KSR2: variants seen among roughly 807,000 people sequenced by gnomAD.
The protein encoded by KSR2 is kinase suppressor of ras 2.
KSR2 carries 25 observed loss-of-function variants against 107.8 expected under a neutral mutation model. The observed-to-expected ratio is 0.23, with a 90% confidence interval of 0.17 to 0.32. The LOEUF (loss-of-function observed/expected upper bound fraction) is 0.32, where lower values mean the gene tolerates loss of function less well. Ranked by LOEUF, KSR2 falls within the 10% of genes least tolerant of loss-of-function variation. The probability of loss-of-function intolerance (pLI) is 1.00; values close to 1 mark genes in which losing one functional copy is unlikely to be tolerated. For synonymous variants in KSR2, 480 were observed against 507.0 expected (o/e 0.95, Z 0.71); for missense variants, 887 against 1,268.9 (o/e 0.70, Z 4.57).
intron 7 of KSR2, among the ~76,000 whole-genome samples, chr12:117,567,075 T>C (rs888229607): frequency 1.3e-5 from 2 of 152,124 alleles, no homozygotes; most frequent in African/African-American, 4.8e-5. Context: ...CGTCCAGAAA[T>C]GAGATGGCCC....
intron 4 of KSR2, among the ~76,000 whole-genome samples, chr12:117,755,791 T>C (rs12823440): frequency 0.2 from 30,780 of 152,220 alleles, 3,473 homozygotes; most frequent in East Asian, 0.35. Flanking sequence ...TTATGCCAAA[T>C]GGTCAAGTTG....
intron 9 of KSR2, 58 bp downstream of exon 9, chr12:117,555,110 AC>A: frequency 6.2e-7 from 1 of 1,608,960 alleles, no homozygotes; most frequent in Non-Finnish European, 8.5e-7. Flanking sequence ...CCTCCCTCCT[AC>A]CCCTCACCCA....
intron 7 of KSR2, among the ~76,000 whole-genome samples, chr12:117,568,559 C>T (rs555955795): frequency 2.6e-5 from 4 of 152,218 alleles, no homozygotes; most frequent in African/African-American, 7.2e-5. Flanking sequence ...CACTTCGAGC[C>T]GGCTGTTTAC....
At chr12:117,917,963 C>T (rs1333458112) in intron 1 of KSR2, among the ~76,000 whole-genome samples, 1 of 152,232 alleles carries the variant, frequency 6.6e-6, no homozygotes, top group Non-Finnish European at 1.5e-5. Context: ...GCTGAGCCCA[C>T]ATTTCTGGAA....
At chr12:117,487,629 C>G (rs2137147663) in intron 14 of KSR2, among the ~76,000 whole-genome samples, 1 of 152,308 alleles carries the variant, frequency 6.6e-6, no homozygotes, top group South Asian at 2.1e-4. Context: ...GCCACCTACA[C>G]TCATCACAGG....
intron 4 of KSR2, among the ~76,000 whole-genome samples, chr12:117,728,514 C>T (rs2136714264): frequency 6.6e-6 from 1 of 152,238 alleles, no homozygotes; most frequent in East Asian, 1.9e-4. Context: ...TCTGAGAGGC[C>T]CCTCTGGCTC....
chr12:117,578,968 A>C (rs1031051193), intron 7 of KSR2, 151 bp downstream of exon 7: 2 of 659,334 alleles, frequency 3.0e-6, no homozygotes, highest in Admixed American at 2.3e-5. Flanking sequence ...ACCCAAACTT[A>C]CAGGTGCATT....
intron 3 of KSR2, among the ~76,000 whole-genome samples, chr12:117,830,097 G>A (rs1040005292): frequency 1.6e-4 from 25 of 152,044 alleles, no homozygotes; most frequent in African/African-American, 4.6e-4. Context: ...GTGAAACCCC[G>A]CCTCTACTAA....
intron 14 of KSR2, among the ~76,000 whole-genome samples, chr12:117,487,482 C>A (rs545635874): frequency 6.6e-6 from 1 of 152,284 alleles, no homozygotes; most frequent in African/African-American, 2.4e-5. Flanking sequence ...GGTTGCTGTC[C>A]CAGGCAGGGC....
At chr12:117,722,139 G>A (rs11068649) in intron 4 of KSR2, among the ~76,000 whole-genome samples, 2,076 of 152,152 alleles carry the variant, frequency 0.014, 48 homozygotes, top group African/African-American at 0.048. Flanking sequence ...CTCCTAAGTA[G>A]CTGGGACTAC....
In KSR2 at chr12:117,466,960, G is replaced by A. The variant is rs1304455782; in HGVS notation, c.*239C>T. On this transcript the variant is annotated 3_prime_UTR_variant, in exon 20 of 20. Coordinates refer to ENST00000339824, the MANE Select transcript of KSR2 (RefSeq NM_173598.6). ...CCCCTGGGCCGCACTGATCAATAAC[G>A]CATCACCCTGGCTGGTCCGGTTCAG... 2 of 449,696 alleles carry A rather than the reference G, an allele frequency of 4.4e-6. No homozygotes were observed. The highest frequency in any genetic ancestry group is 5.5e-4 in the Middle Eastern group (1 of 1,808). 27.9% of individuals were successfully genotyped at this position (449,696 alleles called of 1,614,324 possible).
chr12:117,561,255 G>T (rs764313196), intron 7 of KSR2, among the ~76,000 whole-genome samples: 2 of 152,184 alleles, frequency 1.3e-5, no homozygotes, highest in Admixed American at 6.5e-5. Flanking sequence ...ACAAAAAGAG[G>T]ACATAGCTCT....
At chr12:117,595,787 T>C (rs1199467755) in intron 5 of KSR2, among the ~76,000 whole-genome samples, 1 of 152,204 alleles carries the variant, frequency 6.6e-6, no homozygotes, top group Non-Finnish European at 1.5e-5. Context: ...AGTAGGCCTG[T>C]CCCTCTTATC....
chr12:117,831,560 T>C (rs917595094), intron 3 of KSR2, among the ~76,000 whole-genome samples: 2 of 152,138 alleles, frequency 1.3e-5, no homozygotes, highest in Admixed American at 6.5e-5. Context: ...GCTGGAAGGA[T>C]TAAATGAAAT....
chr12:117,895,679 C>A lies in KSR2; in HGVS notation c.181-35248G>T, dbSNP rs138453461. Among the ~76,000 whole-genome samples, 231 of 152,096 alleles carry A rather than the reference C, an allele frequency of 1.5e-3. 2 individuals carry two copies. Among genetic ancestry groups the A allele is most frequent in the African/African-American group, 5.2e-3 (216 of 41,488 alleles). ...TGCTGTGGAAACGTTTAGCAGTTCC[C>A]CAAATGTTAAACATAGAGTTATCAT... On this transcript the variant is annotated intron_variant, in intron 1 of 19. Coordinates refer to ENST00000339824, the MANE Select transcript of KSR2 (RefSeq NM_173598.6).
chr12:117,870,655 C>T (rs984479952), intron 1 of KSR2, among the ~76,000 whole-genome samples: 1 of 152,118 alleles, frequency 6.6e-6, no homozygotes, highest in Non-Finnish European at 1.5e-5. Context: ...CCCATACACT[C>T]ATGTCCTACT....
At chr12:117,808,601 A>G (rs1171661731) in intron 3 of KSR2, among the ~76,000 whole-genome samples, 3 of 152,172 alleles carry the variant, frequency 2.0e-5, no homozygotes, top group African/African-American at 4.8e-5. Flanking sequence ...TCTCACTAGC[A>G]TGATTACTTC....
At chr12:117,834,071 G>A (rs1892093875) in intron 3 of KSR2, among the ~76,000 whole-genome samples, 1 of 151,828 alleles carries the variant, frequency 6.6e-6, no homozygotes, top group Non-Finnish European at 1.5e-5. Flanking sequence ...AGCCTGGCAG[G>A]CAAAGGTTGC....
intron 1 of KSR2, among the ~76,000 whole-genome samples, chr12:117,936,521 T>TAGTAG (rs1566089539): frequency 3.2e-3 from 149 of 46,750 alleles, no homozygotes; most frequent in Middle Eastern, 0.019. Flanking sequence ...TTTATTATTA[T>TAGTAG]TATTATTATT....
Sources: gnomAD v4.1 joint callset for allele counts (sites outside exome capture counted in the v4.1 genomes callset) on GRCh38, gnomAD v4.1.1 for gene constraint, MANE v1.5 for transcripts, NCBI Gene and HGNC (gene_info 2026-07-23, HGNC 2026-07-21) for gene names.